The following KLHDC10 variants were observed in gnomAD, a reference collection of about 807,000 sequenced individuals.
KLHDC10 encodes kelch domain-containing protein 10.
In KLHDC10, 24 loss-of-function variants were observed where a neutral mutation model predicts 56.1. The ratio of observed to expected loss-of-function variants is 0.43; its 90% confidence interval spans 0.31 to 0.60. The LOEUF is 0.60. KLHDC10 is among the 20% of genes least tolerant of loss of function. The pLI, the probability that KLHDC10 is intolerant of heterozygous loss-of-function variation, is 0.11. For synonymous variants in KLHDC10, 188 were observed against 207.1 expected, an observed-to-expected ratio of 0.91 and a Z score of 0.79; for missense variants, 349 against 567.0, an observed-to-expected ratio of 0.62 and a Z score of 3.91.
chr7:130,073,880 C>T (rs564461382), intron 1 of KLHDC10, among the ~76,000 whole-genome samples: 1 of 152,286 alleles, frequency 6.6e-6, no homozygotes, highest in African/African-American at 2.4e-5. Context: ...TGCCATAACT[C>T]CAATCCACGG....
chr7:130,080,999 CTT>C (rs966845024), intron 1 of KLHDC10, among the ~76,000 whole-genome samples: 4 of 131,914 alleles, frequency 3.0e-5, no homozygotes, highest in Admixed American at 2.3e-4. Flanking sequence ...TTTCAGTTTT[CTT>C]TTTTTTTTTT....
intron 1 of KLHDC10, among the ~76,000 whole-genome samples, chr7:130,080,770 A>G (rs1307215236): frequency 1.3e-5 from 2 of 152,108 alleles, no homozygotes; most frequent in Non-Finnish European, 2.9e-5. Flanking sequence ...AATTTATGTT[A>G]TCCTAGAAAA....
In KLHDC10 at chr7:130,124,450, G is replaced by A; in HGVS notation, c.780-1G>A. ...AAATGAATTTTATTGTAAATTTTCA[G>A]ATACCGACATGAAATTGCACATGAC... On this transcript the variant is annotated splice_acceptor_variant, in intron 5 of 9. Coordinates refer to ENST00000335420, the MANE Select transcript of KLHDC10 (RefSeq NM_014997.4). LOFTEE classifies it high-confidence loss of function. 6.3e-7 allele frequency: 1 copy of A among 1,580,220 alleles called. No individual in the cohort carries two copies. The highest frequency in any genetic ancestry group is 1.3e-5 in the African/African-American group (1 of 74,388).
chr7:130,108,555 C>A (rs10253028), intron 2 of KLHDC10, among the ~76,000 whole-genome samples: 136,683 of 137,918 alleles, frequency 0.99, 67,726 homozygotes, highest in African/African-American at 1. Flanking sequence ...TACCAAATAT[C>A]CAAAAAAAAA....
At position 130,084,616 on chromosome 7, in the gene KLHDC10, A is replaced by G. The variant is rs1393698739; in HGVS notation, c.167-12305A>G. Reference sequence around the variant, plus strand: ...AACATGGCGAAACCCCGTCTCTACTAAAAATAAAAAATCAGCTGGGCGTGG... The same window carrying G: ...AACATGGCGAAACCCCGTCTCTACTGAAAATAAAAAATCAGCTGGGCGTGG... On this transcript the variant is annotated intron_variant, in intron 1 of 9. Coordinates refer to ENST00000335420, the MANE Select transcript of KLHDC10 (RefSeq NM_014997.4). 1.3e-5 allele frequency among the ~76,000 whole-genome samples: 2 copies of G among 152,218 alleles called. 1 individual carries two copies. The highest frequency in any genetic ancestry group is 2.9e-5 in the Non-Finnish European group (2 of 68,022).
intron 1 of KLHDC10, among the ~76,000 whole-genome samples, chr7:130,093,214 A>G (rs940641660): frequency 2.6e-5 from 4 of 151,826 alleles, no homozygotes; most frequent in Non-Finnish European, 5.9e-5. Flanking sequence ...TATTATTATT[A>G]TTTTTGTGGA....
chr7:130,100,536 G>T (rs1357372685), intron 2 of KLHDC10, among the ~76,000 whole-genome samples: 4 of 152,182 alleles, frequency 2.6e-5, no homozygotes, highest in Non-Finnish European at 4.4e-5. Context: ...TCAGAAAATA[G>T]GATGGGAGTA....
At chr7:130,109,092 G>A (rs919298256) in intron 2 of KLHDC10, among the ~76,000 whole-genome samples, 1 of 151,624 alleles carries the variant, frequency 6.6e-6, no homozygotes, top group Admixed American at 6.6e-5. Context: ...TTTTTAGTAG[G>A]GTCAGGGTTT....
At chr7:130,105,888 G>A (rs1484485664) in intron 2 of KLHDC10, among the ~76,000 whole-genome samples, 25 of 152,302 alleles carry the variant, frequency 1.6e-4, no homozygotes, top group African/African-American at 5.5e-4. Context: ...GGTGGCTCAC[G>A]CCTGTAATCC....
At chr7:130,106,590 A>G (rs2116885148) in intron 2 of KLHDC10, among the ~76,000 whole-genome samples, 1 of 152,384 alleles carries the variant, frequency 6.6e-6, no homozygotes, top group Admixed American at 6.5e-5. Context: ...TAAATAAAAC[A>G]TTTAATAAAA....
intron 1 of KLHDC10, among the ~76,000 whole-genome samples, chr7:130,077,870 T>G (rs752988332): frequency 1.1e-4 from 17 of 151,984 alleles, no homozygotes; most frequent in Non-Finnish European, 2.2e-4. Flanking sequence ...TTCTACTTTC[T>G]TTTATAACTT....
intron 1 of KLHDC10, among the ~76,000 whole-genome samples, chr7:130,087,723 C>G (rs1314436553): frequency 2.0e-5 from 3 of 151,860 alleles, no homozygotes; most frequent in African/African-American, 7.3e-5. Flanking sequence ...CCTTAAAACA[C>G]ACACATACAC....
chr7:130,128,889 A>AATATATATATATATATATAT (rs1554468213), intron 8 of KLHDC10, among the ~76,000 whole-genome samples: 15 of 66,922 alleles, frequency 2.2e-4, no homozygotes, highest in Non-Finnish European at 3.3e-4. Context: ...AAAAAAAAAA[A>AATATATATATATATATATAT]ATATATATAT....
Position 130,130,736 on chromosome 7 carries a change from G to A in KLHDC10, c.1319G>A (p.Arg440His), listed in dbSNP as rs753525778. The change falls in exon 10 of 10, where the codon CGC (arginine) becomes CAC (histidine). Residue 440 changes from arginine to histidine, a missense_variant. This residue lies in a region of KLHDC10 where 245 missense variants were observed against 470.1 expected (regional missense o/e 0.52). Transcript: ENST00000335420. The surrounding 1 kb of genome is among the most constrained non-coding windows in gnomAD (Gnocchi z 4.2). ...HLGLTQGLIE[R>H]LK Reference sequence around the variant, plus strand: ...GGACTCACACAGGGACTCATCGAACGCTTGAAATGAGGATTTCTGGACTGT... The same window carrying A: ...GGACTCACACAGGGACTCATCGAACACTTGAAATGAGGATTTCTGGACTGT... The A allele has an allele frequency of 6.2e-6, 10 of 1,613,956 alleles. No individual in the cohort carries two copies. The highest frequency in any genetic ancestry group is 1.7e-5 in the Admixed American group (1 of 60,004).
intron 1 of KLHDC10, among the ~76,000 whole-genome samples, chr7:130,093,601 A>G (rs1019569396): frequency 7.2e-5 from 11 of 152,168 alleles, no homozygotes; most frequent in Admixed American, 4.6e-4. Context: ...TTAAAACTCA[A>G]TGAATAAAAG....
chr7:130,120,158 T>C lies in KLHDC10; in HGVS notation c.476-591T>C, dbSNP rs1009312071. Among the ~76,000 whole-genome samples the C allele has an allele frequency of 2.8e-4, 42 of 152,248 alleles. No homozygotes were observed. Among genetic ancestry groups the C allele is most frequent in the African/African-American group, 9.9e-4 (41 of 41,462 alleles). ...ATTCTGAGTCCCCTTGGGTCTTTGCTAACGCAAAGATGATACTTCATTTTT... is the reference window on the plus strand; with the variant it reads ...ATTCTGAGTCCCCTTGGGTCTTTGCCAACGCAAAGATGATACTTCATTTTT... On this transcript the variant is annotated intron_variant, in intron 3 of 9. Transcript: ENST00000335420. This position sits in a 1 kb window ranked among gnomAD's most constrained non-coding sequence, Gnocchi z 5.1.
intron 1 of KLHDC10, among the ~76,000 whole-genome samples, chr7:130,080,790 T>G (rs922826571): frequency 6.6e-6 from 1 of 152,204 alleles, no homozygotes; most frequent in Non-Finnish European, 1.5e-5. Context: ...ATCACCCAGT[T>G]CATCCAGATT....
At chr7:130,093,127 A>G (rs1795800667) in intron 1 of KLHDC10, among the ~76,000 whole-genome samples, 1 of 152,110 alleles carries the variant, frequency 6.6e-6, no homozygotes, top group Non-Finnish European at 1.5e-5. Flanking sequence ...TTTATAGTGA[A>G]GTAAACATAG....
intron 1 of KLHDC10, among the ~76,000 whole-genome samples, chr7:130,076,560 T>C (rs1355741592): frequency 6.6e-6 from 1 of 152,210 alleles, no homozygotes; most frequent in Non-Finnish European, 1.5e-5. Context: ...AATTAAATAT[T>C]CTTGTGTTTT....
Sources: allele counts gnomAD v4.1 joint callset (sites outside exome capture counted in the v4.1 genomes callset), GRCh38; gene constraint gnomAD v4.1.1; regional missense constraint gnomAD v4.1.1; non-coding constraint Gnocchi (gnomAD v3.1); transcripts MANE v1.5; gene names NCBI Gene and HGNC (gene_info 2026-07-23, HGNC 2026-07-21).